Variants in OR2T12 observed in about 807,000 individuals in gnomAD.
The protein encoded by OR2T12 is olfactory receptor family 2 subfamily T member 12.
For synonymous variants in OR2T12, 127 were observed against 160.5 expected (o/e 0.79, Z 1.58); for missense variants, 335 against 404.3 (o/e 0.83, Z 1.47).
chr1:248,300,167 A>G (rs780846047), intron 2 of OR2T12, among the ~76,000 whole-genome samples: 1 of 152,156 alleles, frequency 6.6e-6, no homozygotes, highest in Non-Finnish European at 1.5e-5. Context: ...CAAAAAGAAT[A>G]TGTCTCCAAA....
At chr1:248,296,675 GT>G (rs1306016044) in intron 2 of OR2T12, among the ~76,000 whole-genome samples, 2 of 152,088 alleles carry the variant, frequency 1.3e-5, no homozygotes, top group African/African-American at 4.8e-5. Flanking sequence ...GTCTGTTCAT[GT>G]CCTTCGCCCA....
rs1247161976 is a variant in OR2T12 at position 248,290,867 on chromosome 1, G to GT, written c.*3748dup. 2 of 152,042 alleles carry GT rather than the reference G, an allele frequency of 1.3e-5. No individual in the cohort carries two copies. Among genetic ancestry groups the GT allele is most frequent in the African/African-American group, 4.8e-5 (2 of 41,398 alleles). The allele number at this position is 152,042 out of a possible 1,614,324, so 9.4% of individuals were successfully genotyped here. ...TTGCCATTCTAACTGATGTGACATG[G>GT]TATCTCACTGTGGTTTCGATTTGCA... On this transcript the variant is annotated 3_prime_UTR_variant, in exon 3 of 3. Coordinates refer to ENST00000641276, the MANE Select transcript of OR2T12 (RefSeq NM_001004692.2).
At chr1:248,295,773 T>G (rs1451366356) in intron 2 of OR2T12, among the ~76,000 whole-genome samples, 187 bp from the exon 3 acceptor site, 2 of 152,140 alleles carry the variant, frequency 1.3e-5, no homozygotes, top group African/African-American at 4.8e-5. Flanking sequence ...GCTCAACTTT[T>G]TAATGTTCTA....
At chr1:248,298,064 T>G (rs566892624) in intron 2 of OR2T12, among the ~76,000 whole-genome samples, 1 of 152,060 alleles carries the variant, frequency 6.6e-6, no homozygotes, top group African/African-American at 2.4e-5. Flanking sequence ...GCGTGAAGCG[T>G]TGTTGAAATT....
rs771048088 is a variant in OR2T12 at position 248,295,047 on chromosome 1, C to T, written c.532G>A (p.Glu178Lys). Residue 178 changes from glutamate (E) to lysine (K), a missense_variant, in exon 3 of 3, where the codon GAG becomes AAG. Transcript: ENST00000641276. ...GAHEIDHFFC[E>K]APVLVRLACA... Reference sequence around the variant, plus strand: ...GCCAAACGCACCAACACGGGGGCCTCGCAGAAGAAGTGATCGATCTCGTGT... The same window carrying T: ...GCCAAACGCACCAACACGGGGGCCTTGCAGAAGAAGTGATCGATCTCGTGT... 5.6e-6 allele frequency: 9 copies of T among 1,607,244 alleles called. No homozygotes were observed. The South Asian group carries it at 6.6e-5, about 12-fold the overall frequency.
In OR2T12 at chr1:248,292,663, ATACCACTTCTTTGAAACATG is replaced by A. The variant is rs1659648382; in HGVS notation, c.*1933_*1952del. On this transcript the variant is annotated 3_prime_UTR_variant, in exon 3 of 3. Coordinates refer to ENST00000641276, the MANE Select transcript of OR2T12 (RefSeq NM_001004692.2). Reference sequence around the variant, plus strand: ...ATTGTGATCAGATAACTAGTCTGAAATACCACTTCTTTGAAACATGTCTATTTTTATACATATTTTGTGTT... The same window carrying A: ...ATTGTGATCAGATAACTAGTCTGAAATCTATTTTTATACATATTTTGTGTT... 1 of 152,102 alleles carries A rather than the reference ATACCACTTCTTTGAAACATG, an allele frequency of 6.6e-6. No homozygotes were observed. Among genetic ancestry groups the A allele is most frequent in the Non-Finnish European group, 1.5e-5 (1 of 67,954 alleles). The allele number at this position is 152,102 out of a possible 1,614,324, so 9.4% of individuals were successfully genotyped here. A position where few individuals can be genotyped will look rare whatever the true frequency, so the allele number is the denominator to read the frequency against.
Position 248,295,108 on chromosome 1 carries a change from C to T in OR2T12, c.471G>A (p.Gln157=). ...WLLGAADGLL[Q]AVATLSFPYC... ...ATGGGAAGCTCAGGGTAGCAACAGC[C>T]TGCAGGAGGCCGTCAGCTGCACCCA... The change falls in exon 3 of 3, where the codon CAG becomes CAA. Residue 157 remains glutamine (Q), a synonymous_variant. Coordinates refer to ENST00000641276, the MANE Select transcript of OR2T12 (RefSeq NM_001004692.2). 6.2e-7 allele frequency: 1 copy of T among 1,604,426 alleles called. No individual in the cohort carries two copies. The highest frequency in any genetic ancestry group is 8.5e-7 in the Non-Finnish European group (1 of 1,175,850).
intron 1 of OR2T12, among the ~76,000 whole-genome samples, chr1:248,302,825 C>T (rs1217928019): frequency 1.3e-5 from 2 of 151,986 alleles, no homozygotes; most frequent in Non-Finnish European, 2.9e-5. Flanking sequence ...TAATTTTATG[C>T]CATATTTTAA....
In OR2T12 at chr1:248,295,477, C is replaced by G. The variant is rs778918290; in HGVS notation, c.102G>C (p.Leu34Phe). 5.0e-6 allele frequency: 8 copies of G among 1,612,826 alleles called. No homozygotes were observed. Among genetic ancestry groups the G allele is most frequent in the Non-Finnish European group, 6.8e-6 (8 of 1,179,704 alleles). Residue 34 changes from leucine to phenylalanine, a missense_variant, in exon 3 of 3, where the codon TTG becomes TTC. Coordinates refer to ENST00000641276, the MANE Select transcript of OR2T12 (RefSeq NM_001004692.2). ...VLFMMLLATV[L>F]TSLFSNALMI... ...TGAGGGCATTGCTAAACAGGGAGGT[C>G]AAAACGGTGGCCAGAAGCATCATGA...
At position 248,291,004 on chromosome 1, in the gene OR2T12, TG is replaced by T. The variant is rs918440915; in HGVS notation, c.*3611del. 5 of 99,698 alleles carry T rather than the reference TG, an allele frequency of 5.0e-5. No homozygotes were observed. The highest frequency in any genetic ancestry group is 1.2e-4 in the African/African-American group (3 of 24,990). 6.2% of individuals were successfully genotyped at this position (99,698 alleles called of 1,614,324 possible). ...TACTTTGCCCACTTTTTGATGGGGT[TG>T]TTTTTTTTTTCTTATAAATATGTTT... On this transcript the variant is annotated 3_prime_UTR_variant, in exon 3 of 3. Coordinates refer to ENST00000641276, the MANE Select transcript of OR2T12 (RefSeq NM_001004692.2).
In OR2T12 at chr1:248,295,229, G is replaced by A. The variant is rs376085529; in HGVS notation, c.350C>T (p.Ala117Val). The A allele has an allele frequency of 3.1e-6, 5 of 1,608,916 alleles. No homozygotes were observed. Among genetic ancestry groups the A allele is most frequent in the Non-Finnish European group, 4.2e-6 (5 of 1,178,266 alleles). The change falls in exon 3 of 3, where the codon GCC (alanine) becomes GTC (valine). Residue 117 changes from alanine (A) to valine (V), a missense_variant. Physicochemically the swap from Ala to Val is moderately conservative, Grantham distance 64. Transcript: ENST00000641276. Reference protein sequence around the residue: ...GGECFLLAAMAYDRYAAVCHP... With the variant: ...GGECFLLAAMVYDRYAAVCHP... ...GCAGACAGCCGCATAGCGGTCATAG[G>A]CCATGGCTGCTAAGAGGAAGCACTC...
rs1659676834 is a variant in OR2T12 at position 248,294,186 on chromosome 1, G to C, written c.*430C>G. On this transcript the variant is annotated 3_prime_UTR_variant, in exon 3 of 3. Coordinates refer to ENST00000641276, the MANE Select transcript of OR2T12 (RefSeq NM_001004692.2). Reference sequence around the variant, plus strand: ...AATATTTCTGTTCTATGTGAAATTAGGAACCATATTTAACTTTCCATGTGT... The same window carrying C: ...AATATTTCTGTTCTATGTGAAATTACGAACCATATTTAACTTTCCATGTGT... The C allele has an allele frequency of 6.2e-6, 1 of 160,314 alleles. No homozygotes were observed. The allele number at this position is 160,314 out of a possible 1,614,324, so 9.9% of individuals were successfully genotyped here.
rs1444781658 is a variant in OR2T12 at position 248,295,031 on chromosome 1, A to G, written c.548T>C (p.Val183Ala). The stretch of plus-strand genomic sequence containing the variant: ...TGAAGTGTCAGCACAAGCCAAACGC[A>G]CCAACACGGGGGCCTCGCAGAAGAA... ...DHFFCEAPVL[V>A]RLACADTSVF... Residue 183 changes from valine (V) to alanine (A), a missense_variant, in exon 3 of 3, where the codon GTG becomes GCG. Transcript: ENST00000641276. 6.2e-7 allele frequency: 1 copy of G among 1,610,348 alleles called. No homozygotes were observed. The highest frequency in any genetic ancestry group is 8.5e-7 in the Non-Finnish European group (1 of 1,179,552).
Position 248,294,871 on chromosome 1 carries a change from A to G in OR2T12, c.708T>C (p.Phe236=), listed in dbSNP as rs766390040. Residue 236 remains phenylalanine, a synonymous_variant, in exon 3 of 3, where the codon TTT becomes TTC. Coordinates refer to ENST00000641276, the MANE Select transcript of OR2T12 (RefSeq NM_001004692.2). ...CAGCCACATGTGAAGAGCAGGTGGC[A>G]AAGGCCTTCTTGCGGGCTTCTGTAG... ...MRSTEARKKA[F]ATCSSHVAVV... The G allele has an allele frequency of 5.9e-5, 95 of 1,612,408 alleles. 4 individuals carry two copies. In the South Asian group the frequency reaches 5.9e-4, roughly 10 times the overall value.
Position 248,294,843 on chromosome 1 carries a change from C to A in OR2T12, c.736G>T (p.Val246Leu). Residue 246 changes from valine to leucine, a missense_variant, in exon 3 of 3, where the codon GTG becomes TTG. Transcript: ENST00000641276. ...ATGCCAGCTCCATAAAAGAGTCCCA[C>A]CACAGCCACATGTGAAGAGCAGGTG... ...FATCSSHVAV[V>L]GLFYGAGIFT... 6.2e-7 allele frequency: 1 copy of A among 1,612,922 alleles called. No homozygotes were observed. The highest frequency in any genetic ancestry group is 8.5e-7 in the Non-Finnish European group (1 of 1,179,826).
In OR2T12 at chr1:248,294,668, C is replaced by G; in HGVS notation, c.911G>C (p.Gly304Ala). ...CTGGTGTTTTAGGTTTACACACGTC[C>G]CCAGCCACCGTTTCAGGGCTTCCTT... ...EVKEALKRWL[G>A]TCVNLKHQQN... Residue 304 changes from glycine (G) to alanine (A), a missense_variant, in exon 3 of 3, where the codon GGG becomes GCG. Transcript: ENST00000641276. 6.2e-7 allele frequency: 1 copy of G among 1,613,996 alleles called. No individual in the cohort carries two copies. Among genetic ancestry groups the G allele is most frequent in the South Asian group, 1.1e-5 (1 of 91,070 alleles).
Position 248,294,324 on chromosome 1 carries a change from A to C in OR2T12, c.*292T>G, listed in dbSNP as rs920507143. ...GTAAGTAGAGATATTTTTGATGAAA[A>C]ATTTGGGACACCTTTTAAAGATTTG... is the stretch of plus-strand genomic sequence containing the variant. On this transcript the variant is annotated 3_prime_UTR_variant, in exon 3 of 3. Coordinates refer to ENST00000641276, the MANE Select transcript of OR2T12 (RefSeq NM_001004692.2). 3.7e-6 allele frequency: 1 copy of C among 272,420 alleles called. No individual in the cohort carries two copies. Among genetic ancestry groups the C allele is most frequent in the Admixed American group, 4.8e-5 (1 of 20,734 alleles). The allele number at this position is 272,420 out of a possible 1,614,324, so 16.9% of individuals were successfully genotyped here.
chr1:248,300,953 A>C (rs1357707839), intron 2 of OR2T12, among the ~76,000 whole-genome samples: 1 of 152,162 alleles, frequency 6.6e-6, no homozygotes, highest in Non-Finnish European at 1.5e-5. Flanking sequence ...TATGTTTTAC[A>C]TTCCATTGAA....
In OR2T12 at chr1:248,291,631, A is replaced by T. The variant is rs1025603909; in HGVS notation, c.*2985T>A. ...AATCAATAAAGAGCCCATTTAGCCA[A>T]GACAATCCTAAGCAAAAAGAACAAA... On this transcript the variant is annotated 3_prime_UTR_variant, in exon 3 of 3. Coordinates refer to ENST00000641276, the MANE Select transcript of OR2T12 (RefSeq NM_001004692.2). 4 of 152,204 alleles carry T rather than the reference A, an allele frequency of 2.6e-5. No homozygotes were observed. Among genetic ancestry groups the T allele is most frequent in the African/African-American group, 9.6e-5 (4 of 41,452 alleles). The allele number at this position is 152,204 out of a possible 1,614,324, so 9.4% of individuals were successfully genotyped here.
Sources: allele counts gnomAD v4.1 joint callset (sites outside exome capture counted in the v4.1 genomes callset), GRCh38; gene constraint gnomAD v4.1.1; transcripts MANE v1.5; gene names NCBI Gene and HGNC (gene_info 2026-07-23, HGNC 2026-07-21).